MEGF10: variants seen among roughly 807,000 people sequenced by gnomAD.
MEGF10 encodes the protein multiple EGF like domains 10.
Under a neutral mutation model 147.5 loss-of-function variants are expected in MEGF10, and 86 were observed. That is an observed-to-expected ratio of 0.58 (90% CI 0.49 to 0.70). The LOEUF (loss-of-function observed/expected upper bound fraction) is 0.70. Among genes scored for constraint, MEGF10 ranks in the 30% least tolerant of loss-of-function variants. The pLI is 0.00. For synonymous variants in MEGF10, 478 were observed against 525.5 expected (o/e 0.91, Z 1.24); for missense variants, 1,329 against 1,487.3 (o/e 0.89, Z 1.75).
chr5:127,347,060 T>C (rs1263544361), intron 4 of MEGF10, among the ~76,000 whole-genome samples: 1 of 152,128 alleles, frequency 6.6e-6, no homozygotes, highest in African/African-American at 2.4e-5. Flanking sequence ...TTTCCACTTG[T>C]GGCTTCATGT....
At chr5:127,330,232 C>T (rs1024859683) in intron 1 of MEGF10, among the ~76,000 whole-genome samples, 5 of 152,208 alleles carry the variant, frequency 3.3e-5, no homozygotes, top group Non-Finnish European at 5.9e-5. Context: ...TGCTCACAGT[C>T]ATGTCTTACC....
chr5:127,290,916 G>C lies in MEGF10; in HGVS notation c.-159G>C, dbSNP rs2126691224. The C allele has an allele frequency of 6.6e-6, 1 of 152,390 alleles. No homozygotes were observed. The highest frequency in any genetic ancestry group is 1.9e-4 in the East Asian group (1 of 5,184). The allele number at this position is 152,390 out of a possible 1,614,324, so 9.4% of individuals were successfully genotyped here. ...TTCTCCACCTTTACGCCTGAAAGAAGACTCCCAAAGATTGCTTTCTTCTGG... is the reference window on the plus strand; with the variant it reads ...TTCTCCACCTTTACGCCTGAAAGAACACTCCCAAAGATTGCTTTCTTCTGG... On this transcript the variant is annotated 5_prime_UTR_variant, in exon 1 of 25. Coordinates refer to ENST00000503335, the MANE Select transcript of MEGF10 (RefSeq NM_001256545.2).
intron 1 of MEGF10, among the ~76,000 whole-genome samples, chr5:127,311,630 G>A (rs900945118): frequency 3.9e-5 from 6 of 152,166 alleles, no homozygotes; most frequent in African/African-American, 9.7e-5. Flanking sequence ...CTTGACTCAG[G>A]AATACAGAGA....
chr5:127,245,053 G>A, the MEGF10 span, among the ~76,000 whole-genome samples: 4 of 152,150 alleles, frequency 2.6e-5, no homozygotes, highest in Non-Finnish European at 2.9e-5. Flanking sequence ...TAGATTCAAT[G>A]CTATCCCCAT....
intron 1 of MEGF10, among the ~76,000 whole-genome samples, chr5:127,302,303 G>A (rs181122332): frequency 1.2e-3 from 186 of 149,658 alleles, no homozygotes; most frequent in African/African-American, 4.6e-3. Context: ...AAGAAATGAA[G>A]TATGTATGAT....
intron 4 of MEGF10, among the ~76,000 whole-genome samples, chr5:127,348,442 T>A (rs1194236971): frequency 1.3e-5 from 2 of 152,160 alleles, no homozygotes; most frequent in African/African-American, 2.4e-5. Context: ...TTGATTTTTT[T>A]ATCTCAAACT....
chr5:127,274,911 C>CT, the MEGF10 span, among the ~76,000 whole-genome samples: 1 of 152,122 alleles, frequency 6.6e-6, no homozygotes, highest in East Asian at 1.9e-4. Flanking sequence ...ATCCATATCC[C>CT]TCTCATTTTT....
At chr5:127,352,455 A>T (rs1300066102) in intron 4 of MEGF10, among the ~76,000 whole-genome samples, 1 of 152,194 alleles carries the variant, frequency 6.6e-6, no homozygotes, top group African/African-American at 2.4e-5. Flanking sequence ...TGAGGTCAGG[A>T]GTTCGAGACT....
the MEGF10 span, among the ~76,000 whole-genome samples, chr5:127,283,014 C>T: frequency 3.3e-5 from 5 of 152,288 alleles, no homozygotes; most frequent in South Asian, 2.1e-4. Flanking sequence ...TAAAGGGATT[C>T]TTGCTCATTT....
the MEGF10 span, among the ~76,000 whole-genome samples, chr5:127,255,128 G>T: frequency 6.6e-6 from 1 of 151,960 alleles, no homozygotes; most frequent in African/African-American, 2.4e-5. Flanking sequence ...GCCTCTGGGT[G>T]GGGGCTGCAG....
At chr5:127,366,544 C>T (rs910700926) in intron 4 of MEGF10, among the ~76,000 whole-genome samples, 1 of 152,172 alleles carries the variant, frequency 6.6e-6, no homozygotes, top group Non-Finnish European at 1.5e-5. Context: ...AAAAAGAAAT[C>T]ATTAGGGAAG....
intron 13 of MEGF10, chr5:127,424,542 G>T (rs989160693): frequency 1.4e-6 from 2 of 1,406,310 alleles, no homozygotes; most frequent in South Asian, 3.3e-5. Flanking sequence ...GTGTCTCTCA[G>T]CCCCTTGGAA....
intron 1 of MEGF10, among the ~76,000 whole-genome samples, chr5:127,307,405 C>G (rs1760063511): frequency 6.6e-6 from 1 of 152,170 alleles, no homozygotes; most frequent in Non-Finnish European, 1.5e-5. Flanking sequence ...TATGGCAGAG[C>G]CCCAGCTTCG....
intron 1 of MEGF10, among the ~76,000 whole-genome samples, chr5:127,295,086 T>A (rs1759438373): frequency 6.6e-6 from 1 of 152,206 alleles, no homozygotes. Flanking sequence ...CTTCTGCTTC[T>A]GTTTTTGTAT....
intron 20 of MEGF10, among the ~76,000 whole-genome samples, chr5:127,446,090 A>T (rs1440337638): frequency 6.6e-6 from 1 of 152,154 alleles, no homozygotes; most frequent in East Asian, 1.9e-4. Flanking sequence ...GGTACTTTCT[A>T]TGTGCTTCCC....
At chr5:127,353,535 T>C (rs1762163084) in intron 4 of MEGF10, among the ~76,000 whole-genome samples, 1 of 152,198 alleles carries the variant, frequency 6.6e-6, no homozygotes, top group Non-Finnish European at 1.5e-5. Context: ...CTTGGCTTCA[T>C]CTCCACTGAT....
intron 5 of MEGF10, among the ~76,000 whole-genome samples, chr5:127,394,684 C>G (rs1763831911): frequency 6.6e-6 from 1 of 152,082 alleles, no homozygotes; most frequent in South Asian, 2.1e-4. Context: ...TGTCCATATC[C>G]ATAGGCAATA....
At chr5:127,453,918 G>T (rs966567360) in intron 22 of MEGF10, among the ~76,000 whole-genome samples, 2 of 152,160 alleles carry the variant, frequency 1.3e-5, no homozygotes, top group Non-Finnish European at 2.9e-5. Context: ...TCCAGCATGA[G>T]CCGGAACACT....
At chr5:127,372,114 T>A (rs896493915) in intron 5 of MEGF10, among the ~76,000 whole-genome samples, 1 of 152,168 alleles carries the variant, frequency 6.6e-6, no homozygotes, top group Non-Finnish European at 1.5e-5. Context: ...CTTAGCAAAA[T>A]TTAAATGGCC....
Sources: allele counts gnomAD v4.1 joint callset (sites outside exome capture counted in the v4.1 genomes callset), GRCh38; gene constraint gnomAD v4.1.1; transcripts MANE v1.5; gene names NCBI Gene and HGNC (gene_info 2026-07-23, HGNC 2026-07-21).